The following DTNA variants were observed in gnomAD, a reference collection of about 807,000 sequenced individuals.
DTNA encodes the protein dystrobrevin alpha.
DTNA carries 43 observed loss-of-function variants against 100.7 expected under a neutral mutation model. The observed-to-expected ratio is 0.43, with a 90% CI of 0.33 to 0.55. The LOEUF (loss-of-function observed/expected upper bound fraction) is 0.55. Ranked by LOEUF, DTNA falls within the 20% of genes least tolerant of loss-of-function variation. The pLI is 0.04. For missense variants in DTNA, 798 were observed against 953.9 expected, an observed-to-expected ratio of 0.84 and a Z score of 2.15; for synonymous variants, 349 against 347.9, an observed-to-expected ratio of 1.00 and a Z score of -0.04.
intron 11 of DTNA, among the ~76,000 whole-genome samples, chr18:34,835,851 G>A (rs2096128988): frequency 6.6e-6 from 1 of 152,226 alleles, no homozygotes; most frequent in Admixed American, 6.5e-5. Flanking sequence ...AGCATGAGAG[G>A]TTGTCCCTGT....
intron 1 of DTNA, among the ~76,000 whole-genome samples, chr18:34,608,849 G>A (rs17637026): frequency 0.065 from 9,954 of 152,172 alleles, 399 homozygotes; most frequent in Non-Finnish European, 0.074. Flanking sequence ...TTTAACCTTG[G>A]ATTGGCTGTG....
chr18:34,646,053 C>A (rs1330497546), intron 1 of DTNA, among the ~76,000 whole-genome samples: 1 of 152,088 alleles, frequency 6.6e-6, no homozygotes, highest in African/African-American at 2.4e-5. Context: ...AGCTGGTATT[C>A]TTTTTATGGT....
At chr18:34,557,087 A>G (rs113839492) in intron 1 of DTNA, among the ~76,000 whole-genome samples, 1 of 150,590 alleles carries the variant, frequency 6.6e-6, no homozygotes, top group Non-Finnish European at 1.5e-5. Flanking sequence ...TTTTTTCTCT[A>G]AACTTCCCTT....
intron 16 of DTNA, among the ~76,000 whole-genome samples, chr18:34,863,657 T>A (rs1165548776): frequency 6.6e-6 from 1 of 152,180 alleles, no homozygotes; most frequent in East Asian, 1.9e-4. Context: ...CCATAGCACA[T>A]CACAGGGCCC....
At chr18:34,600,296 G>C (rs896858050) in intron 1 of DTNA, among the ~76,000 whole-genome samples, 1 of 152,034 alleles carries the variant, frequency 6.6e-6, no homozygotes, top group Admixed American at 6.6e-5. Context: ...TGGCATTTTT[G>C]CAAAATAAAA....
chr18:34,629,972 G>A (rs77952058), intron 1 of DTNA, among the ~76,000 whole-genome samples: 48 of 152,256 alleles, frequency 3.2e-4, no homozygotes, highest in African/African-American at 7.5e-4. Flanking sequence ...GCTCTGTGTC[G>A]TAGGGTTAAA....
At chr18:34,803,060 G>C (rs906451002) in intron 4 of DTNA, among the ~76,000 whole-genome samples, 1 of 151,998 alleles carries the variant, frequency 6.6e-6, no homozygotes, top group African/African-American at 2.4e-5. Context: ...TCCTCAAACC[G>C]CATAAATATT....
chr18:34,746,584 T>C (rs990880848), intron 1 of DTNA, among the ~76,000 whole-genome samples: 3 of 152,194 alleles, frequency 2.0e-5, no homozygotes, highest in Non-Finnish European at 4.4e-5. Context: ...TCTGAGGTCC[T>C]GGTGCAGTTC....
In DTNA at chr18:34,597,263, C is replaced by T. The variant is rs112896296; in HGVS notation, c.-2+103749C>T. Among the ~76,000 whole-genome samples, 22 of 152,242 alleles carry T rather than the reference C, an allele frequency of 1.4e-4. 1 individual carries two copies. Among genetic ancestry groups the T allele is most frequent in the African/African-American group, 5.3e-4 (22 of 41,550 alleles). Reference sequence around the variant, plus strand: ...GCAATTTCTTTAACCTCTAATCCATCCCACAAGCATCCTTCACTCTCAGAA... The same window carrying T: ...GCAATTTCTTTAACCTCTAATCCATTCCACAAGCATCCTTCACTCTCAGAA... On this transcript the variant is annotated intron_variant, in intron 1 of 19. Coordinates refer to the DTNA transcript ENST00000283365.
rs900280254 is a variant in DTNA, at chr18:34,825,372, G to C, written c.1002-2221G>C. ...AAAACAAGTGAGCAATATGAGGCTA[G>C]TTTAGAACTAAGTCTTCTTATGCTG... On this transcript the variant is annotated intron_variant, in intron 9 of 22. Coordinates refer to ENST00000444659, the MANE Select transcript of DTNA (RefSeq NM_001386795.1). 2.9e-5 allele frequency: 43 copies of C among 1,470,200 alleles called. No homozygotes were observed. The African/African-American group carries it at 5.4e-4, about 19-fold the overall frequency. The allele number at this position is 1,470,200 out of a possible 1,614,324, so 91.1% of individuals were successfully genotyped here.
At position 34,889,155 on chromosome 18, in the gene DTNA, T is replaced by G. The variant is rs1377770281; in HGVS notation, c.*1421T>G. The G allele has an allele frequency of 1.0e-6, 1 of 985,376 alleles. No individual in the cohort carries two copies. Among genetic ancestry groups the G allele is most frequent in the Non-Finnish European group, 1.2e-6 (1 of 829,928 alleles). The allele number at this position is 985,376 out of a possible 1,614,324, so 61.0% of individuals were successfully genotyped here. On this transcript the variant is annotated 3_prime_UTR_variant, in exon 23 of 23. Coordinates refer to ENST00000444659, the MANE Select transcript of DTNA (RefSeq NM_001386795.1). ...TTTTTTTAAAAAAGCCTGCGACCTA[T>G]TCAATACATTATGCTTAAATTAGCA...
chr18:34,535,426 C>A (rs199949423), intron 1 of DTNA, among the ~76,000 whole-genome samples: 1 of 152,204 alleles, frequency 6.6e-6, no homozygotes, highest in East Asian at 1.9e-4. Flanking sequence ...CAAAAATTTT[C>A]TCCCATTCTG....
intron 1 of DTNA, among the ~76,000 whole-genome samples, chr18:34,565,094 A>G (rs1353548848): frequency 6.6e-6 from 1 of 152,234 alleles, no homozygotes; most frequent in African/African-American, 2.4e-5. Context: ...AGGCATTTTT[A>G]AAAGTCATAC....
intron 3 of DTNA, among the ~76,000 whole-genome samples, chr18:34,767,186 A>G (rs934725010): frequency 6.0e-5 from 9 of 150,344 alleles, no homozygotes; most frequent in Admixed American, 2.0e-4. Context: ...ACATAGTTCT[A>G]TGATAACTGG....
intron 1 of DTNA, among the ~76,000 whole-genome samples, chr18:34,683,234 T>G (rs945846764): frequency 6.6e-6 from 1 of 152,186 alleles, no homozygotes; most frequent in African/African-American, 2.4e-5. Flanking sequence ...TCAAATGTCC[T>G]GTAATAAATA....
At position 34,794,167 on chromosome 18, in the gene DTNA, C is replaced by A; in HGVS notation, c.279C>A (p.Asn93Lys). The change falls in exon 4 of 23, where the codon AAC becomes AAA. Residue 93 changes from asparagine to lysine, a missense_variant. Around this residue, in one of 6 missense-constraint regions of DTNA, gnomAD observed 197 missense variants for 215.4 expected, o/e 0.91. Coordinates refer to ENST00000444659, the MANE Select transcript of DTNA (RefSeq NM_001386795.1). ...TCTCCACTATTTTTTACCAGCTCAA[C>A]AAACGGATGCCAACCACTCACCAAA... ...AVLSTIFYQL[N>K]KRMPTTHQIH... 6.2e-7 allele frequency: 1 copy of A among 1,614,178 alleles called. No homozygotes were observed. Among genetic ancestry groups the A allele is most frequent in the Middle Eastern group, 1.6e-4 (1 of 6,062 alleles).
At chr18:34,622,629 C>T (rs2056708512) in intron 1 of DTNA, among the ~76,000 whole-genome samples, 1 of 152,168 alleles carries the variant, frequency 6.6e-6, no homozygotes, top group South Asian at 2.1e-4. Context: ...CAGAGAGAAC[C>T]AAAACAGAGA....
intron 1 of DTNA, among the ~76,000 whole-genome samples, chr18:34,695,652 A>G (rs941732238): frequency 6.6e-6 from 1 of 152,238 alleles, no homozygotes; most frequent in Non-Finnish European, 1.5e-5. Flanking sequence ...TCTCAGAAGT[A>G]GCTCCTTAAA....
chr18:34,820,779 T>C lies in DTNA; in HGVS notation c.877-12T>C. 3 of 1,614,142 alleles carry C rather than the reference T, an allele frequency of 1.9e-6. No individual in the cohort carries two copies. The highest frequency in any genetic ancestry group is 2.5e-6 in the Non-Finnish European group (3 of 1,179,980). ...TAGCTGTTGTCACTTCTGCCTTCCTTCTTCTTTCCAGAAATCACCTGCTAA... is the reference window on the plus strand; with the variant it reads ...TAGCTGTTGTCACTTCTGCCTTCCTCCTTCTTTCCAGAAATCACCTGCTAA... On this transcript the variant is annotated splice_polypyrimidine_tract_variant and intron_variant, in intron 8 of 22. Transcript: ENST00000444659.
Sources: gnomAD v4.1 joint callset for allele counts (sites outside exome capture counted in the v4.1 genomes callset) on GRCh38, gnomAD v4.1.1 for gene constraint, gnomAD v4.1.1 regional missense constraint, MANE v1.5 for transcripts, NCBI Gene and HGNC (gene_info 2026-07-23, HGNC 2026-07-21) for gene names.